Variants in PON1 observed in about 807,000 individuals in gnomAD.
PON1 encodes paraoxonase 1.
PON1 carries 37 observed loss-of-function variants against 39.2 expected under a neutral mutation model. The observed-to-expected ratio is 0.94, with a 90% CI of 0.73 to 1.24. The LOEUF (loss-of-function observed/expected upper bound fraction) is 1.24, where lower values mean the gene tolerates loss of function less well. Among genes scored for constraint, PON1 ranks in the 50% most tolerant of loss-of-function variants. The pLI is 0.00. For missense variants in PON1, 397 were observed against 413.5 expected (o/e 0.96, Z 0.35); for synonymous variants, 148 against 152.2 (o/e 0.97, Z 0.21).
chr7:95,302,900 C>T (rs544723510), intron 7 of PON1, among the ~76,000 whole-genome samples: 1 of 152,274 alleles, frequency 6.6e-6, no homozygotes, highest in Non-Finnish European at 1.5e-5. Flanking sequence ...CGTTCTTCTG[C>T]TGTTTATTCT....
intron 8 of PON1, among the ~76,000 whole-genome samples, chr7:95,301,380 C>T (rs1460765025): frequency 2.0e-5 from 3 of 152,062 alleles, no homozygotes; most frequent in African/African-American, 7.2e-5. Context: ...TGGTCCATTG[C>T]ATGGACCTGT....
intron 1 of PON1, chr7:95,318,643 T>A (rs1807826877): frequency 9.4e-6 from 4 of 426,738 alleles, no homozygotes; most frequent in South Asian, 7.2e-5. Flanking sequence ...TCTCTAGGGC[T>A]CTGTGTACTT....
At chr7:95,320,787 C>A (rs1807878168) in intron 1 of PON1, among the ~76,000 whole-genome samples, 1 of 152,118 alleles carries the variant, frequency 6.6e-6, no homozygotes, top group Admixed American at 6.6e-5. Context: ...TTGTCAAAGG[C>A]TTAAGTCCAA....
At chr7:95,304,523 G>A (rs902158087) in intron 7 of PON1, among the ~76,000 whole-genome samples, 5 of 151,662 alleles carry the variant, frequency 3.3e-5, no homozygotes, top group African/African-American at 9.7e-5. Flanking sequence ...TAGTAGAGAC[G>A]GGGTTTCACC....
intron 7 of PON1, among the ~76,000 whole-genome samples, chr7:95,302,792 C>T (rs559048633): frequency 6.6e-6 from 1 of 152,284 alleles, no homozygotes; most frequent in Admixed American, 6.5e-5. Context: ...TAATCATAGG[C>T]TGTGCAGCCA....
chr7:95,322,364 A>G (rs1215052985), intron 1 of PON1, among the ~76,000 whole-genome samples: 28 of 148,516 alleles, frequency 1.9e-4, no homozygotes, highest in African/African-American at 6.4e-4. Flanking sequence ...ATATATATAT[A>G]TATGCTGTAA....
chr7:95,308,307 A>T, intron 5 of PON1, 96 bp from the exon 6 acceptor site: 2 of 1,180,870 alleles, frequency 1.7e-6, no homozygotes, highest in Non-Finnish European at 2.5e-6. Context: ...TCCTAAAATC[A>T]AGATGTGGGA....
intron 1 of PON1, among the ~76,000 whole-genome samples, chr7:95,321,835 C>T (rs1807906020): frequency 6.6e-6 from 1 of 152,206 alleles, no homozygotes; most frequent in Non-Finnish European, 1.5e-5. Flanking sequence ...GGATTAATAA[C>T]TCCTTAGTTT....
chr7:95,321,629 T>C (rs541512819), intron 1 of PON1, among the ~76,000 whole-genome samples: 4 of 152,342 alleles, frequency 2.6e-5, no homozygotes, highest in African/African-American at 7.2e-5. Flanking sequence ...AAATTGCATG[T>C]GGTTGCTTAT....
At chr7:95,312,667 A>C (rs1371138788) in intron 4 of PON1, among the ~76,000 whole-genome samples, 1 of 152,264 alleles carries the variant, frequency 6.6e-6, no homozygotes, top group Non-Finnish European at 1.5e-5. Flanking sequence ...CTAGGGAAAG[A>C]GCATTCCAGG....
Position 95,324,404 on chromosome 7 carries a change from G to C in PON1, c.72C>G (p.Tyr24Ter), listed in dbSNP as rs1328564504. Residue 24 changes from tyrosine (Y) to a stop codon, truncating the protein, a stop_gained and splice_region_variant, in exon 1 of 9, where the codon TAC becomes TAG. Coordinates refer to ENST00000222381, the MANE Select transcript of PON1 (RefSeq NM_000446.7). LOFTEE classifies it high-confidence loss of function. ...GCCCTCACCACAACCCAACTTACTGGTAAGAAGACTGGTGGTTCCTGAAGA... is the reference window on the plus strand; with the variant it reads ...GCCCTCACCACAACCCAACTTACTGCTAAGAAGACTGGTGGTTCCTGAAGA... ...LALFRNHQSSYQTRLNALREV... is the reference protein window; with the variant it reads ...LALFRNHQSS 1 of 1,614,014 alleles carries C rather than the reference G, an allele frequency of 6.2e-7. No individual in the cohort carries two copies. The highest frequency in any genetic ancestry group is 8.5e-7 in the Non-Finnish European group (1 of 1,179,976).
intron 8 of PON1, among the ~76,000 whole-genome samples, chr7:95,300,035 T>C (rs1394694801): frequency 6.6e-6 from 1 of 152,222 alleles, no homozygotes; most frequent in Non-Finnish European, 1.5e-5. Flanking sequence ...TACTCATGTG[T>C]TCTGAACTTA....
chr7:95,319,543 AC>A (rs1585701327), intron 1 of PON1, among the ~76,000 whole-genome samples: 1 of 152,328 alleles, frequency 6.6e-6, no homozygotes, highest in South Asian at 2.1e-4. Flanking sequence ...CAGTCTAGGT[AC>A]TAGAAATACA....
rs144612002 is a variant in PON1, at chr7:95,318,326, T to C, written c.142A>G (p.Ile48Val). The change falls in exon 2 of 9, where the codon ATC becomes GTC. Residue 48 changes from isoleucine (I) to valine (V), a missense_variant. Transcript: ENST00000222381. ...ELPNCNLVKG[I>V]ETGSEDLEIL... ...CTTCTTCCTCTCACATACATACCGA[T>C]TCCTTTAACTAAATTACAGTTAGGA... 66 of 1,603,636 alleles carry C rather than the reference T, an allele frequency of 4.1e-5. No homozygotes were observed. Among genetic ancestry groups the C allele is most frequent in the Non-Finnish European group, 5.6e-5 (65 of 1,170,672 alleles).
chr7:95,319,057 C>G (rs555521609), intron 1 of PON1, among the ~76,000 whole-genome samples: 62 of 151,328 alleles, frequency 4.1e-4, no homozygotes, highest in Non-Finnish European at 8.1e-4. Flanking sequence ...GCTGCCTGAG[C>G]AGAGCGAAGC....
At position 95,318,377 on chromosome 7, in the gene PON1, G is replaced by C; in HGVS notation, c.91C>G (p.Leu31Val). Residue 31 changes from leucine to valine, a missense_variant, in exon 2 of 9, where the codon CTC (leucine) becomes GTC (valine). Transcript: ENST00000222381. ...QSSYQTRLNA[L>V]REVQPVELPN... ...AGTTCTACGGGTTGTACCTCTCGGA[G>C]AGCATTAAGTCGTGTTCTGTGGGGG... 6.2e-7 allele frequency: 1 copy of C among 1,608,892 alleles called. No individual in the cohort carries two copies.
chr7:95,312,650 T>TAG (rs1807680518), intron 4 of PON1, among the ~76,000 whole-genome samples: 1 of 152,216 alleles, frequency 6.6e-6, no homozygotes, highest in South Asian at 2.1e-4. Flanking sequence ...ACGAATAATG[T>TAG]GGATATCTAG....
At chr7:95,317,979 C>G (rs1043186119) in intron 2 of PON1, among the ~76,000 whole-genome samples, 4 of 152,138 alleles carry the variant, frequency 2.6e-5, no homozygotes, top group African/African-American at 9.7e-5. Flanking sequence ...AAAAAAGTTA[C>G]CTTTATTCAA....
Position 95,315,497 on chromosome 7 carries a change from A to G in PON1, c.202-7T>C. The G allele has an allele frequency of 6.2e-7, 1 of 1,613,582 alleles. No individual in the cohort carries two copies. The highest frequency in any genetic ancestry group is 1.3e-5 in the African/African-American group (1 of 75,040). On this transcript the variant is annotated splice_polypyrimidine_tract_variant and splice_region_variant and intron_variant, in intron 3 of 8. Coordinates refer to ENST00000222381, the MANE Select transcript of PON1 (RefSeq NM_000446.7). ...TTCCAGGATACTTTAATCCCTTATA[A>G]ACCATGGAGGAGAAAAATCAAGCAC... is the stretch of plus-strand genomic sequence containing the variant.
Sources: allele counts gnomAD v4.1 joint callset (sites outside exome capture counted in the v4.1 genomes callset), GRCh38; gene constraint gnomAD v4.1.1; transcripts MANE v1.5; gene names NCBI Gene and HGNC (gene_info 2026-07-23, HGNC 2026-07-21).